The following DNM3 variants were observed in gnomAD, a reference collection of about 807,000 sequenced individuals.
DNM3 encodes the protein dynamin 3.
A neutral mutation model predicts 101.6 loss-of-function variants in DNM3; 47 were observed. That is an observed-to-expected ratio of 0.46 (90% confidence interval 0.37 to 0.59). DNM3 has a LOEUF of 0.59. Among genes scored for constraint, DNM3 ranks in the 20% least tolerant of loss-of-function variants. The pLI is 0.00. For missense variants in DNM3, 849 were observed against 1,085.7 expected (o/e 0.78, Z 3.06); for synonymous variants, 385 against 387.9 (o/e 0.99, Z 0.09).
intron 1 of DNM3, among the ~76,000 whole-genome samples, chr1:171,892,398 G>A (rs758922005): frequency 6.6e-6 from 1 of 152,146 alleles, no homozygotes; most frequent in Non-Finnish European, 1.5e-5. Flanking sequence ...AGCTGACAGA[G>A]CAAGGGAATG....
At chr1:172,345,692 T>G (rs2148969314) in intron 17 of DNM3, among the ~76,000 whole-genome samples, 1 of 152,298 alleles carries the variant, frequency 6.6e-6, no homozygotes, top group South Asian at 2.1e-4. Context: ...AGTTAGCACC[T>G]TCCATGTGTC....
At chr1:171,966,344 C>G (rs138029100) in intron 2 of DNM3, among the ~76,000 whole-genome samples, 1 of 152,196 alleles carries the variant, frequency 6.6e-6, no homozygotes, top group African/African-American at 2.4e-5. Context: ...AGGTCTCTCA[C>G]TAAGCATGAG....
intron 14 of DNM3, among the ~76,000 whole-genome samples, chr1:172,160,744 AT>A (rs1157259824): frequency 1.3e-5 from 2 of 152,104 alleles, no homozygotes; most frequent in African/African-American, 4.8e-5. Context: ...ATACAATTCA[AT>A]AGCATAGTTG....
intron 14 of DNM3, among the ~76,000 whole-genome samples, chr1:172,211,226 G>C (rs1370956460): frequency 6.6e-6 from 1 of 152,092 alleles, no homozygotes; most frequent in African/African-American, 2.4e-5. Flanking sequence ...AGAAGACAGA[G>C]AGCGAGATTT....
chr1:172,028,611 A>G (rs1377119376), intron 4 of DNM3, among the ~76,000 whole-genome samples: 1 of 152,216 alleles, frequency 6.6e-6, no homozygotes, highest in South Asian at 2.1e-4. Flanking sequence ...CCCCTTCAAA[A>G]AATCAATGAA....
At chr1:172,148,174 A>G (rs1476315549) in intron 14 of DNM3, among the ~76,000 whole-genome samples, 2 of 152,120 alleles carry the variant, frequency 1.3e-5, no homozygotes, top group African/African-American at 4.8e-5. Flanking sequence ...AATGCCAATT[A>G]ATTATCTGCT....
At chr1:172,332,941 G>A (rs958549523) in intron 17 of DNM3, among the ~76,000 whole-genome samples, 1 of 152,176 alleles carries the variant, frequency 6.6e-6, no homozygotes, top group Non-Finnish European at 1.5e-5. Context: ...TGCAGACAGA[G>A]ATTTAGAAGT....
rs115976441 is a variant in DNM3, at chr1:172,084,276, A to T, written c.1493+2374A>T. On this transcript the variant is annotated intron_variant, in intron 12 of 20. Transcript: ENST00000627582. ...AAAAAAACTATGGTGTAGTCTATAA[A>T]TGTGAGAGATCCTCCCTGTCTCTCA... Among the ~76,000 whole-genome samples the T allele has an allele frequency of 7.0e-3, 1,067 of 152,220 alleles. 18 individuals carry two copies. The highest frequency in any genetic ancestry group is 0.024 in the African/African-American group (1,012 of 41,534).
intron 14 of DNM3, among the ~76,000 whole-genome samples, chr1:172,239,792 T>TATTTTC: frequency 1.9e-5 from 1 of 51,392 alleles, no homozygotes; most frequent in African/African-American, 6.8e-5. Context: ...CCCTGTCTTT[T>TATTTTC]TTTTTCTCTT....
intron 17 of DNM3, among the ~76,000 whole-genome samples, chr1:172,338,053 A>T (rs978908972): frequency 2.6e-5 from 4 of 151,556 alleles, no homozygotes; most frequent in Admixed American, 6.6e-5. Flanking sequence ...AGTAGCTGGG[A>T]CCACAGGCGC....
At chr1:171,990,415 C>T (rs2045558509) in intron 4 of DNM3, among the ~76,000 whole-genome samples, 1 of 152,102 alleles carries the variant, frequency 6.6e-6, no homozygotes, top group African/African-American at 2.4e-5. Flanking sequence ...CTGTTAGGTT[C>T]TATGAGTATT....
intron 15 of DNM3, among the ~76,000 whole-genome samples, chr1:172,305,599 A>G (rs2064764799): frequency 1.3e-5 from 2 of 152,224 alleles, no homozygotes; most frequent in South Asian, 2.1e-4. Flanking sequence ...ATTTTAGAAC[A>G]ATATCCGTGA....
chr1:171,854,915 T>C (rs535444475), intron 1 of DNM3, among the ~76,000 whole-genome samples: 80 of 152,118 alleles, frequency 5.3e-4, no homozygotes, highest in Non-Finnish European at 8.5e-4. Flanking sequence ...GGGGCACATG[T>C]GCAGGTTTGT....
chr1:172,333,088 G>C (rs1188416721), intron 17 of DNM3, among the ~76,000 whole-genome samples: 1 of 152,130 alleles, frequency 6.6e-6, no homozygotes, highest in Non-Finnish European at 1.5e-5. Context: ...AAGAACAGGA[G>C]AGTGTGTGTA....
intron 14 of DNM3, among the ~76,000 whole-genome samples, chr1:172,213,462 A>G (rs1482128634): frequency 6.9e-6 from 1 of 145,324 alleles, no homozygotes; most frequent in African/African-American, 2.7e-5. Flanking sequence ...ATATTTCTGG[A>G]TATTTCAACA....
At chr1:171,880,833 C>G (rs1353016869) in intron 1 of DNM3, among the ~76,000 whole-genome samples, 1 of 151,410 alleles carries the variant, frequency 6.6e-6, no homozygotes, top group Non-Finnish European at 1.5e-5. Context: ...AAAATGATTC[C>G]AAAAAGTTCT....
rs184547246 is a variant in DNM3, at chr1:172,088,973, C to G, written c.1494-3851C>G. Among the ~76,000 whole-genome samples the G allele has an allele frequency of 2.6e-5, 4 of 152,342 alleles. No homozygotes were observed. The East Asian group carries it at 7.7e-4, about 29-fold the overall frequency. ...ATATACTTTTAGAATCATTATGTCT[C>G]AGCATACACCAATTTGGTTCTACGT... On this transcript the variant is annotated intron_variant, in intron 12 of 20. Transcript: ENST00000627582.
chr1:171,854,680 G>A (rs1311236546), intron 1 of DNM3, among the ~76,000 whole-genome samples: 2 of 151,610 alleles, frequency 1.3e-5, no homozygotes, highest in African/African-American at 2.4e-5. Context: ...AGATTCAAGT[G>A]ATTCTCCTGC....
chr1:171,921,890 G>A, intron 2 of DNM3, 69 bp downstream of exon 2: 2 of 1,411,322 alleles, frequency 1.4e-6, no homozygotes, highest in East Asian at 2.5e-5. Context: ...CATAGGTGTG[G>A]GATTGTACAA....
Sources: allele counts gnomAD v4.1 joint callset (sites outside exome capture counted in the v4.1 genomes callset), GRCh38; gene constraint gnomAD v4.1.1; transcripts MANE v1.5; gene names NCBI Gene and HGNC (gene_info 2026-07-23, HGNC 2026-07-21).